Variants in SNX9 observed in about 807,000 individuals in gnomAD.
The protein encoded by SNX9 is sorting nexin-9.
Under a neutral mutation model 89.4 loss-of-function variants are expected in SNX9, and 44 were observed. That is an observed-to-expected ratio of 0.49 (90% confidence interval 0.39 to 0.63). The LOEUF is 0.63. SNX9 is among the 30% of genes least tolerant of loss of function. The pLI, the probability that SNX9 is intolerant of heterozygous loss-of-function variation, is 0.00. For synonymous variants in SNX9, 236 were observed against 247.8 expected (o/e 0.95, Z 0.45); for missense variants, 578 against 736.1 (o/e 0.79, Z 2.49).
Position 157,867,544 on chromosome 6 carries a change from T to C in SNX9, c.13-3T>C. Reference sequence around the variant, plus strand: ...ATCCTCTTTTCCTCTCCACTCCTGATAGGCTCGGGTTATGTATGATTTTGC... The same window carrying C: ...ATCCTCTTTTCCTCTCCACTCCTGACAGGCTCGGGTTATGTATGATTTTGC... On this transcript the variant is annotated splice_polypyrimidine_tract_variant and splice_region_variant and intron_variant, in intron 1 of 17. Transcript: ENST00000392185. 1 of 1,608,510 alleles carries C rather than the reference T, an allele frequency of 6.2e-7. No homozygotes were observed. Among genetic ancestry groups the C allele is most frequent in the Non-Finnish European group, 8.5e-7 (1 of 1,175,978 alleles).
intron 1 of SNX9, among the ~76,000 whole-genome samples, chr6:157,865,096 T>G (rs755749892): frequency 6.6e-6 from 1 of 152,092 alleles, no homozygotes; most frequent in Non-Finnish European, 1.5e-5. Context: ...TCCCACACTT[T>G]GGGAAGCCAA....
intron 5 of SNX9, among the ~76,000 whole-genome samples, chr6:157,900,465 C>T (rs777537992): frequency 1.3e-5 from 2 of 152,160 alleles, no homozygotes; most frequent in East Asian, 1.9e-4. Context: ...TGTTCCCAGG[C>T]GGATCGGCCC....
chr6:157,911,023 G>A (rs1783330961), intron 9 of SNX9, among the ~76,000 whole-genome samples: 1 of 152,136 alleles, frequency 6.6e-6, no homozygotes, highest in African/African-American at 2.4e-5. Flanking sequence ...TGAGGCAGGA[G>A]AATGGCATGA....
intron 10 of SNX9, among the ~76,000 whole-genome samples, chr6:157,924,056 G>C (rs1783638934): frequency 6.6e-6 from 1 of 152,094 alleles, no homozygotes; most frequent in South Asian, 2.1e-4. Context: ...AAATTCGCCA[G>C]GTGTGGTGGC....
chr6:157,906,009 A>G, intron 6 of SNX9, 119 bp from the exon 7 acceptor site: 2 of 720,742 alleles, frequency 2.8e-6, no homozygotes, highest in Non-Finnish European at 4.5e-6. Context: ...CACAGTTTCC[A>G]GTTCTAGTGC....
intron 4 of SNX9, among the ~76,000 whole-genome samples, chr6:157,891,654 G>A (rs1315004100): frequency 6.6e-6 from 1 of 152,204 alleles, no homozygotes; most frequent in African/African-American, 2.4e-5. Context: ...AGACAGAGCT[G>A]TCCCCGTGAT....
intron 1 of SNX9, among the ~76,000 whole-genome samples, chr6:157,865,253 C>T (rs969284436): frequency 3.3e-5 from 5 of 150,080 alleles, no homozygotes; most frequent in East Asian, 2.0e-4. Flanking sequence ...GCAGGAGAAT[C>T]GCTTGAACCC....
intron 1 of SNX9, among the ~76,000 whole-genome samples, chr6:157,839,197 A>C (rs1298817368): frequency 6.6e-6 from 1 of 152,156 alleles, no homozygotes; most frequent in South Asian, 2.1e-4. Flanking sequence ...TTACTGTTAT[A>C]TGTGTGTGGG....
At chr6:157,913,051 G>A (rs1288837761) in intron 9 of SNX9, among the ~76,000 whole-genome samples, 4 of 152,140 alleles carry the variant, frequency 2.6e-5, no homozygotes, top group Non-Finnish European at 5.9e-5. Context: ...AATGAACTCT[G>A]GGTACAACTC....
chr6:157,845,996 G>T (rs969116678), intron 1 of SNX9, among the ~76,000 whole-genome samples: 25 of 152,220 alleles, frequency 1.6e-4, no homozygotes, highest in African/African-American at 4.3e-4. Context: ...TTGCAAGAAG[G>T]ATCAGCTGGA....
At chr6:157,832,161 G>C (rs1335898703) in intron 1 of SNX9, among the ~76,000 whole-genome samples, 1 of 152,176 alleles carries the variant, frequency 6.6e-6, no homozygotes, top group Non-Finnish European at 1.5e-5. Context: ...TGTAGTATCT[G>C]AAAATCGAGT....
intron 9 of SNX9, among the ~76,000 whole-genome samples, chr6:157,916,255 C>T (rs972672888): frequency 2.0e-5 from 3 of 152,120 alleles, no homozygotes; most frequent in Non-Finnish European, 2.9e-5. Context: ...AGGATGGTCT[C>T]GATCTCCTGA....
chr6:157,845,886 A>C (rs769802437), intron 1 of SNX9, among the ~76,000 whole-genome samples: 2 of 152,226 alleles, frequency 1.3e-5, no homozygotes, highest in Non-Finnish European at 2.9e-5. Flanking sequence ...CTTTACTCTT[A>C]TAACTTGATT....
chr6:157,826,517 A>C (rs1367562190), intron 1 of SNX9, among the ~76,000 whole-genome samples: 3 of 150,630 alleles, frequency 2.0e-5, no homozygotes, highest in Non-Finnish European at 4.4e-5. Context: ...AAAAAAAAAA[A>C]AGGAAAGTTA....
chr6:157,836,691 C>G (rs978912645), intron 1 of SNX9, among the ~76,000 whole-genome samples: 2 of 151,540 alleles, frequency 1.3e-5, no homozygotes, highest in Non-Finnish European at 2.9e-5. Flanking sequence ...CCCAGGTTCA[C>G]GCCATTTTCC....
intron 2 of SNX9, 22 bp from the exon 3 acceptor site, chr6:157,873,080 T>C: frequency 6.7e-7 from 1 of 1,496,040 alleles, no homozygotes. Context: ...TTCTTTTTTT[T>C]TTTTTTTTGG....
intron 10 of SNX9, among the ~76,000 whole-genome samples, chr6:157,922,313 C>T (rs927602271): frequency 7.2e-5 from 11 of 152,330 alleles, no homozygotes; most frequent in African/African-American, 2.4e-4. Context: ...TCATTTTATT[C>T]TCTAAAGATG....
At position 157,942,871 on chromosome 6, in the gene SNX9, C is replaced by T. The variant is rs992943949; in HGVS notation, c.*33C>T. 4 of 1,600,212 alleles carry T rather than the reference C, an allele frequency of 2.5e-6. No homozygotes were observed. Among genetic ancestry groups the T allele is most frequent in the Non-Finnish European group, 3.4e-6 (4 of 1,170,916 alleles). On this transcript the variant is annotated 3_prime_UTR_variant, in exon 18 of 18. Coordinates refer to ENST00000392185, the MANE Select transcript of SNX9 (RefSeq NM_016224.5). ...CGGGCCTTGAAGAGAATGCCGCGTG[C>T]TTTCTCCTGACTTGGGGCAATGCAA... is the stretch of plus-strand genomic sequence containing the variant.
At chr6:157,839,670 C>T (rs541131402) in intron 1 of SNX9, among the ~76,000 whole-genome samples, 1 of 152,288 alleles carries the variant, frequency 6.6e-6, no homozygotes, top group Non-Finnish European at 1.5e-5. Flanking sequence ...ATTTTAGTTC[C>T]CAGGCCACCG....
Sources: gnomAD v4.1 joint callset for allele counts (sites outside exome capture counted in the v4.1 genomes callset) on GRCh38, gnomAD v4.1.1 for gene constraint, MANE v1.5 for transcripts, NCBI Gene and HGNC (gene_info 2026-07-23, HGNC 2026-07-21) for gene names.